The following TTYH2 variants were observed in gnomAD, a reference collection of about 807,000 sequenced individuals.
TTYH2 encodes the protein tweety family member 2.
In TTYH2, 49 loss-of-function variants were observed where a neutral mutation model predicts 68.3. That is an observed-to-expected ratio of 0.72 (90% CI 0.57 to 0.91). The LOEUF (loss-of-function observed/expected upper bound fraction) is 0.91, where lower values mean the gene tolerates loss of function less well. TTYH2 is among the 40% of genes least tolerant of loss of function. TTYH2 has a pLI of 0.00. For missense variants in TTYH2, 631 were observed against 700.4 expected, an observed-to-expected ratio of 0.90 and a Z score of 1.12; for synonymous variants, 272 against 300.8, an observed-to-expected ratio of 0.90 and a Z score of 0.99.
chr17:74,247,344 C>T (rs1324013032), intron 6 of TTYH2, among the ~76,000 whole-genome samples: 1 of 152,162 alleles, frequency 6.6e-6, no homozygotes, highest in African/African-American at 2.4e-5. Flanking sequence ...TCGACATGCA[C>T]ACACACAAGG....
intron 2 of TTYH2, among the ~76,000 whole-genome samples, chr17:74,226,048 C>T (rs1361988029): frequency 4.6e-5 from 7 of 152,188 alleles, no homozygotes; most frequent in Non-Finnish European, 8.8e-5. Flanking sequence ...CTGGCTTAAG[C>T]CCCCGGATGG....
chr17:74,221,507 G>A (rs1028600266), intron 1 of TTYH2, among the ~76,000 whole-genome samples: 1 of 152,230 alleles, frequency 6.6e-6, no homozygotes, highest in African/African-American at 2.4e-5. Context: ...AGGGATTCGG[G>A]ACTGGGAACC....
chr17:74,234,556 C>T (rs2050423183), intron 3 of TTYH2, among the ~76,000 whole-genome samples: 2 of 152,122 alleles, frequency 1.3e-5, no homozygotes, highest in Non-Finnish European at 2.9e-5. Flanking sequence ...CATAGCGAGA[C>T]CCCATCTCAA....
At chr17:74,240,097 G>A (rs2050483911) in intron 4 of TTYH2, among the ~76,000 whole-genome samples, 1 of 152,174 alleles carries the variant, frequency 6.6e-6, no homozygotes, top group Non-Finnish European at 1.5e-5. Flanking sequence ...TTTCAGCGTG[G>A]GTGATTGACA....
intron 13 of TTYH2, among the ~76,000 whole-genome samples, chr17:74,259,613 C>T (rs769155322): frequency 1.3e-5 from 2 of 152,116 alleles, no homozygotes; most frequent in African/African-American, 2.4e-5. Context: ...TGGCGAGCAG[C>T]CCAGTTTGAG....
chr17:74,248,876 G>A (rs2050588811), intron 6 of TTYH2, 135 bp from the exon 7 acceptor site: 5 of 1,511,952 alleles, frequency 3.3e-6, no homozygotes, highest in Non-Finnish European at 2.7e-6. Context: ...GAACCCAGGA[G>A]GCTGGCTCCA....
chr17:74,219,585 A>G (rs1195253856), intron 1 of TTYH2, among the ~76,000 whole-genome samples: 2 of 152,134 alleles, frequency 1.3e-5, no homozygotes, highest in Admixed American at 6.5e-5. Context: ...TCCCAAAGGT[A>G]GCAATGATTC....
chr17:74,256,252 T>C (rs1004607349), intron 13 of TTYH2, among the ~76,000 whole-genome samples: 2 of 150,732 alleles, frequency 1.3e-5, no homozygotes, highest in Admixed American at 6.6e-5. Context: ...CCAGGGGCAG[T>C]TTTCCCCCCT....
chr17:74,250,176 G>A, intron 9 of TTYH2, 89 bp from the exon 10 acceptor site: 1 of 1,473,788 alleles, frequency 6.8e-7, no homozygotes, highest in Non-Finnish European at 9.3e-7. Context: ...CTTGGCTCTA[G>A]AGGCCCCTGA....
In TTYH2 at chr17:74,217,574, C is replaced by T. The variant is rs992947263; in HGVS notation, c.129+3858C>T. Among the ~76,000 whole-genome samples the T allele has an allele frequency of 1.3e-5, 2 of 152,204 alleles. No homozygotes were observed. Among genetic ancestry groups the T allele is most frequent in the Non-Finnish European group, 2.9e-5 (2 of 68,030 alleles). On this transcript the variant is annotated intron_variant, in intron 1 of 13. Transcript: ENST00000269346. The surrounding 1 kb of genome is among the most constrained non-coding windows in gnomAD (Gnocchi z 4.0). Reference sequence around the variant, plus strand: ...ATTCATCCAGTGTGAAATTGAGTCACGGTCATCAGACAGTCATGCCGCGCC... The same window carrying T: ...ATTCATCCAGTGTGAAATTGAGTCATGGTCATCAGACAGTCATGCCGCGCC...
chr17:74,247,273 C>T (rs1272456695), intron 6 of TTYH2, among the ~76,000 whole-genome samples: 1 of 151,954 alleles, frequency 6.6e-6, no homozygotes, highest in Non-Finnish European at 1.5e-5. Flanking sequence ...GACTCAGTTA[C>T]CTCCCACCAG....
chr17:74,216,332 G>C (rs904490038), intron 1 of TTYH2, among the ~76,000 whole-genome samples: 2 of 152,176 alleles, frequency 1.3e-5, no homozygotes, highest in Admixed American at 6.5e-5. Context: ...GGTGTGGGGG[G>C]TGGGTGCGTG....
In TTYH2 at chr17:74,249,935, G is replaced by C; in HGVS notation, c.931-1G>C. On this transcript the variant is annotated splice_acceptor_variant, in intron 8 of 13. Coordinates refer to ENST00000269346, the MANE Select transcript of TTYH2 (RefSeq NM_032646.6). LOFTEE classifies it high-confidence loss of function. ...GTGGGGCTGTGTCTTTCCTGGCTCA[G>C]ACCCTGACCACCTTCCAGCGCGCAC... 1 of 1,613,506 alleles carries C rather than the reference G, an allele frequency of 6.2e-7. No homozygotes were observed. Among genetic ancestry groups the C allele is most frequent in the South Asian group, 1.1e-5 (1 of 91,042 alleles).
intron 3 of TTYH2, among the ~76,000 whole-genome samples, chr17:74,235,348 G>A (rs540775952): frequency 2.0e-5 from 3 of 152,306 alleles, no homozygotes; most frequent in African/African-American, 4.8e-5. Context: ...GAAGGCTGCC[G>A]AGTGTGGATT....
At position 74,230,911 on chromosome 17, in the gene TTYH2, A is replaced by G. The variant is rs778704389; in HGVS notation, c.326A>G (p.Tyr109Cys). The G allele has an allele frequency of 1.9e-6, 3 of 1,613,944 alleles. No homozygotes were observed. The highest frequency in any genetic ancestry group is 1.3e-5 in the African/African-American group (1 of 74,880). The change falls in exon 3 of 14, where the codon TAT (tyrosine) becomes TGT (cysteine). Residue 109 changes from tyrosine (Y) to cysteine (C), a missense_variant. Transcript: ENST00000269346. ...AGTGCTGCGGTGGGCGTTGGTTTCTATGGAAACAGCGAGACCAACGATGGG... is the reference window on the plus strand; with the variant it reads ...AGTGCTGCGGTGGGCGTTGGTTTCTGTGGAAACAGCGAGACCAACGATGGG... The part of the protein sequence containing the change: ...ICCAAVGVGF[Y>C]GNSETNDGAY...
chr17:74,214,461 C>T lies in TTYH2; in HGVS notation c.129+745C>T, dbSNP rs964139802. ...AGACTGGCCCATTCCTGTTCCCCCA[C>T]GCCCCTCTCTCTACCTCACACCTTT... is the stretch of plus-strand genomic sequence containing the variant. On this transcript the variant is annotated intron_variant, in intron 1 of 13. Coordinates refer to ENST00000269346, the MANE Select transcript of TTYH2 (RefSeq NM_032646.6). The surrounding 1 kb of genome is among the most constrained non-coding windows in gnomAD (Gnocchi z 4.6). 2.0e-5 allele frequency among the ~76,000 whole-genome samples: 3 copies of T among 152,160 alleles called. No homozygotes were observed. The highest frequency in any genetic ancestry group is 4.4e-5 in the Non-Finnish European group (3 of 68,020).
At chr17:74,251,280 T>G (rs1454268077) in intron 10 of TTYH2, among the ~76,000 whole-genome samples, 1 of 150,332 alleles carries the variant, frequency 6.7e-6, no homozygotes, top group African/African-American at 2.5e-5. Flanking sequence ...TGTGCATGTC[T>G]GTGATGTGTG....
rs2050496698 is a variant in TTYH2, at chr17:74,241,261, A to ACG, written c.636-2112_636-2111dup. ...CATAGACAGACCCGGTATTTATAAT[A>ACG]CGTGTGTGTGTGTGTGTGTGTGTGT... On this transcript the variant is annotated intron_variant, in intron 4 of 13. Transcript: ENST00000269346. The surrounding 1 kb of genome is among the most constrained non-coding windows in gnomAD (Gnocchi z 4.1). Among the ~76,000 whole-genome samples, 4 of 125,664 alleles carry ACG rather than the reference A, an allele frequency of 3.2e-5. No individual in the cohort carries two copies. Among genetic ancestry groups the ACG allele is most frequent in the East Asian group, 4.5e-4 (2 of 4,450 alleles). 82.4% of individuals were successfully genotyped at this position (125,664 alleles called of 152,430 possible).
chr17:74,234,611 A>C (rs1320216971), intron 3 of TTYH2, among the ~76,000 whole-genome samples: 1 of 152,262 alleles, frequency 6.6e-6, no homozygotes, highest in Non-Finnish European at 1.5e-5. Context: ...AATATCAGGA[A>C]GAAAGAGAAG....
Sources: gnomAD v4.1 joint callset for allele counts (sites outside exome capture counted in the v4.1 genomes callset) on GRCh38, gnomAD v4.1.1 for gene constraint, Gnocchi (gnomAD v3.1) non-coding constraint, MANE v1.5 for transcripts, NCBI Gene and HGNC (gene_info 2026-07-23, HGNC 2026-07-21) for gene names.